The following PRKAR2B variants were observed in gnomAD, a reference collection of about 807,000 sequenced individuals.
PRKAR2B encodes protein kinase cAMP-dependent type II regulatory subunit beta, also known as cAMP-dependent protein kinase type II-beta regulatory subunit.
A neutral mutation model predicts 49.9 loss-of-function variants in PRKAR2B; 14 were observed. That is an observed-to-expected ratio of 0.28 (90% confidence interval 0.19 to 0.44). The LOEUF is 0.44. Among genes scored for constraint, PRKAR2B ranks in the 20% least tolerant of loss-of-function variants. PRKAR2B has a pLI of 1.00. For synonymous variants in PRKAR2B, 196 were observed against 197.7 expected, an observed-to-expected ratio of 0.99 and a Z score of 0.07; for missense variants, 393 against 537.9, an observed-to-expected ratio of 0.73 and a Z score of 2.67.
At chr7:107,116,953 G>A (rs932458120) in intron 2 of PRKAR2B, among the ~76,000 whole-genome samples, 2 of 144,386 alleles carry the variant, frequency 1.4e-5, no homozygotes, top group Non-Finnish European at 3.0e-5. Context: ...GTGTGTGTGT[G>A]TGTATATATA....
At chr7:107,080,082 C>T (rs997745852) in intron 2 of PRKAR2B, among the ~76,000 whole-genome samples, 11 of 151,876 alleles carry the variant, frequency 7.2e-5, no homozygotes, top group Non-Finnish European at 1.3e-4. Flanking sequence ...TGACTGCCTA[C>T]GATGGTGGCA....
At chr7:107,156,842 C>T (rs1796101405) in intron 8 of PRKAR2B, 142 bp from the exon 9 acceptor site, 9 of 691,658 alleles carry the variant, frequency 1.3e-5, no homozygotes, top group South Asian at 1.9e-5. Context: ...GAAACCGAGA[C>T]AGCTTGTTCC....
chr7:107,142,698 T>C (rs1795808660), intron 5 of PRKAR2B, among the ~76,000 whole-genome samples: 1 of 152,116 alleles, frequency 6.6e-6, no homozygotes. Flanking sequence ...TTCTGGAGGT[T>C]CTTGCCTGCC....
At chr7:107,157,905 A>G (rs939203129) in intron 10 of PRKAR2B, among the ~76,000 whole-genome samples, 1 of 152,248 alleles carries the variant, frequency 6.6e-6, no homozygotes, top group Non-Finnish European at 1.5e-5. Flanking sequence ...AAGAAAATAC[A>G]GTTTAGAAGG....
intron 2 of PRKAR2B, among the ~76,000 whole-genome samples, chr7:107,110,610 C>T (rs1237551278): frequency 6.6e-6 from 1 of 151,672 alleles, no homozygotes; most frequent in East Asian, 2.0e-4. Context: ...GTTAGAGCCA[C>T]GAGGCCCTCT....
At chr7:107,083,290 A>G (rs1300917886) in intron 2 of PRKAR2B, among the ~76,000 whole-genome samples, 1 of 152,102 alleles carries the variant, frequency 6.6e-6, no homozygotes, top group Non-Finnish European at 1.5e-5. Flanking sequence ...CAAGGAATAC[A>G]TTTCTCTAAT....
intron 5 of PRKAR2B, among the ~76,000 whole-genome samples, chr7:107,144,594 A>G (rs1438307504): frequency 6.6e-6 from 1 of 151,704 alleles, no homozygotes; most frequent in African/African-American, 2.4e-5. Context: ...CCAAGTAGCT[A>G]GGAGTACAGG....
At chr7:107,156,005 G>T (rs1796080382) in intron 8 of PRKAR2B, among the ~76,000 whole-genome samples, 2 of 152,278 alleles carry the variant, frequency 1.3e-5, no homozygotes, top group Non-Finnish European at 2.9e-5. Context: ...TAACACAGGA[G>T]TAGAAAACTA....
chr7:107,045,063 C>T lies in PRKAR2B; in HGVS notation c.156C>T (p.Gly52=), dbSNP rs1793662641. 2 of 1,543,180 alleles carry T rather than the reference C, an allele frequency of 1.3e-6. No homozygotes were observed. ...AGCGCAAAGGCACCGCGCGCTTCGG[C>T]CATGAGGGCAGGACCTGGGGGGACC... ...ENERKGTARF[G]HEGRTWGDLG... is the part of the protein sequence containing the mutation. Residue 52 remains glycine, a synonymous_variant, in exon 1 of 11, where the codon GGC becomes GGT. Coordinates refer to ENST00000265717, the MANE Select transcript of PRKAR2B (RefSeq NM_002736.3).
chr7:107,126,022 G>A (rs1490361364), intron 3 of PRKAR2B, among the ~76,000 whole-genome samples: 12 of 147,702 alleles, frequency 8.1e-5, no homozygotes, highest in African/African-American at 3.0e-4. Flanking sequence ...AGGAGGCAAA[G>A]GTTGTAGGGA....
At chr7:107,125,353 A>T (rs1381393945) in intron 3 of PRKAR2B, among the ~76,000 whole-genome samples, 2 of 152,354 alleles carry the variant, frequency 1.3e-5, no homozygotes, top group Non-Finnish European at 2.9e-5. Context: ...ATATTAGTAA[A>T]GCCCTTAGAA....
intron 1 of PRKAR2B, among the ~76,000 whole-genome samples, chr7:107,046,198 A>G (rs1260790777): frequency 6.6e-6 from 1 of 152,186 alleles, no homozygotes; most frequent in Non-Finnish European, 1.5e-5. Flanking sequence ...AACATGCCCA[A>G]ATCTCATTTT....
chr7:107,124,712 G>A lies in PRKAR2B; in HGVS notation c.396+2708G>A, dbSNP rs888192135. Among the ~76,000 whole-genome samples, 4 of 152,170 alleles carry A rather than the reference G, an allele frequency of 2.6e-5. No individual in the cohort carries two copies. The East Asian group carries it at 5.8e-4, about 22-fold the overall frequency. On this transcript the variant is annotated intron_variant, in intron 3 of 10. Coordinates refer to ENST00000265717, the MANE Select transcript of PRKAR2B (RefSeq NM_002736.3). ...TAGGATTACTGGCGTGAGCCACTGT[G>A]CCTGACCGATATACAGTGTTCTTTA...
intron 3 of PRKAR2B, among the ~76,000 whole-genome samples, chr7:107,124,941 T>C (rs1282140694): frequency 6.6e-6 from 1 of 152,190 alleles, no homozygotes; most frequent in East Asian, 1.9e-4. Context: ...TACTCAGTTC[T>C]GCTATAGTAG....
intron 5 of PRKAR2B, among the ~76,000 whole-genome samples, chr7:107,145,310 C>G (rs1795870297): frequency 6.6e-6 from 1 of 152,132 alleles, no homozygotes. Flanking sequence ...AGCAGATAGC[C>G]AGTTTGTGGG....
intron 5 of PRKAR2B, among the ~76,000 whole-genome samples, chr7:107,141,981 T>C (rs1795797829): frequency 6.6e-6 from 1 of 152,240 alleles, no homozygotes; most frequent in Admixed American, 6.5e-5. Context: ...TCCTGAAATC[T>C]AACAGCAGAG....
chr7:107,099,196 C>G (rs879600506), intron 2 of PRKAR2B, among the ~76,000 whole-genome samples: 41 of 152,202 alleles, frequency 2.7e-4, no homozygotes, highest in Non-Finnish European at 5.0e-4. Context: ...CTTTGTTTAC[C>G]TACTCAAGCC....
In PRKAR2B at chr7:107,159,471, A is replaced by G; in HGVS notation, c.1146A>G (p.Glu382=). The G allele has an allele frequency of 1.9e-6, 3 of 1,614,150 alleles. No individual in the cohort carries two copies. Among genetic ancestry groups the G allele is most frequent in the Middle Eastern group, 3.3e-4 (2 of 6,062 alleles). Residue 382 remains glutamate, a synonymous_variant, in exon 11 of 11, where the codon GAA becomes GAG. Coordinates refer to ENST00000265717, the MANE Select transcript of PRKAR2B (RefSeq NM_002736.3). The part of the protein sequence containing the change: ...KCLAMDVQAF[E]RLLGPCMEIM... ...CAGCAATGGATGTGCAAGCATTTGAAAGGCTTCTGGGACCTTGCATGGAAA... is the reference window on the plus strand; with the variant it reads ...CAGCAATGGATGTGCAAGCATTTGAGAGGCTTCTGGGACCTTGCATGGAAA...
intron 3 of PRKAR2B, among the ~76,000 whole-genome samples, chr7:107,124,051 A>G (rs10235103): frequency 0.024 from 3,715 of 152,300 alleles, 143 homozygotes; most frequent in African/African-American, 0.082. Context: ...CTATATTGTG[A>G]TAAAATTACA....
Sources: allele counts gnomAD v4.1 joint callset (sites outside exome capture counted in the v4.1 genomes callset), GRCh38; gene constraint gnomAD v4.1.1; transcripts MANE v1.5; gene names NCBI Gene and HGNC (gene_info 2026-07-23, HGNC 2026-07-21).